The following DENND3 variants were observed in gnomAD, a reference collection of about 807,000 sequenced individuals.
The protein encoded by DENND3 is DENN domain-containing protein 3.
Under a neutral mutation model 135.1 loss-of-function variants are expected in DENND3, and 88 were observed. The observed-to-expected ratio is 0.65, with a 90% CI of 0.55 to 0.78. The LOEUF (loss-of-function observed/expected upper bound fraction) is 0.78, where lower values mean the gene tolerates loss of function less well. Ranked by LOEUF, DENND3 falls within the 30% of genes least tolerant of loss-of-function variation. The probability of loss-of-function intolerance (pLI) is 0.00; values close to 1 mark genes in which losing one functional copy is unlikely to be tolerated. For synonymous variants in DENND3, 693 were observed against 712.3 expected (o/e 0.97, Z 0.43); for missense variants, 1,392 against 1,688.4 (o/e 0.82, Z 3.08).
chr8:141,157,389 TCA>T (rs1819574059), intron 8 of DENND3: 3 of 985,264 alleles, frequency 3.0e-6, no homozygotes, highest in African/African-American at 1.7e-5. Context: ...ATTTTTCCCT[TCA>T]GCATTTTATA....
Position 141,174,321 on chromosome 8 carries a change from C to T in DENND3, c.2276-879C>T, listed in dbSNP as rs1822041358. ...CAAAGCAGGCTGTGAGTGCGGGTGGCTCTGAAGGCAGGAGCCACTGAGGAG... is the reference window on the plus strand; with the variant it reads ...CAAAGCAGGCTGTGAGTGCGGGTGGTTCTGAAGGCAGGAGCCACTGAGGAG... On this transcript the variant is annotated intron_variant, in intron 13 of 22. Transcript: ENST00000519811. This position sits in a 1 kb window ranked among gnomAD's most constrained non-coding sequence, Gnocchi z 4.6. Among the ~76,000 whole-genome samples the T allele has an allele frequency of 6.6e-6, 1 of 152,116 alleles. No homozygotes were observed. The highest frequency in any genetic ancestry group is 2.4e-5 in the African/African-American group (1 of 41,408).
chr8:141,151,939 G>A (rs985845821), intron 7 of DENND3, 102 bp downstream of exon 7: 28 of 1,410,680 alleles, frequency 2.0e-5, no homozygotes, highest in African/African-American at 8.4e-5. Flanking sequence ...TGAAGGCGGG[G>A]TCTGTGTGCC....
Position 141,194,457 on chromosome 8 carries a change from GGT to G in DENND3, c.*229_*230del, listed in dbSNP as rs758886770. 42 of 576,308 alleles carry G rather than the reference GGT, an allele frequency of 7.3e-5. No individual in the cohort carries two copies. Among genetic ancestry groups the G allele is most frequent in the Admixed American group, 9.1e-5 (3 of 33,066 alleles). 35.7% of individuals were successfully genotyped at this position (576,308 alleles called of 1,614,324 possible). On this transcript the variant is annotated 3_prime_UTR_variant, in exon 23 of 23. Coordinates refer to ENST00000519811, the MANE Select transcript of DENND3 (RefSeq NM_001352890.3). Reference sequence around the variant, plus strand: ...CTGCACCAAGGGTGTTTCCTGTTGGGGTGTGTCTCAGGCAGGCAGCTGCGTCT... The same window carrying G: ...CTGCACCAAGGGTGTTTCCTGTTGGGGTGTCTCAGGCAGGCAGCTGCGTCT...
At position 141,190,337 on chromosome 8, in the gene DENND3, C is replaced by T. The variant is rs765181269; in HGVS notation, c.3299C>T (p.Thr1100Ile). The T allele has an allele frequency of 3.8e-5, 62 of 1,613,304 alleles. No individual in the cohort carries two copies. In the South Asian group the frequency reaches 6.7e-4, roughly 17 times the overall value. ...ATGGTGCTGGTGTGGAATGTGAGCA[C>T]ACTGCAGGTGACCAGCCGCTTCCAG... The part of the protein sequence containing the change: ...DGMVLVWNVS[T>I]LQVTSRFQLP... Residue 1100 changes from threonine (T) to isoleucine (I), a missense_variant, in exon 20 of 23, where the codon ACA becomes ATA. By Grantham distance (89) the Thr-to-Ile change is moderately conservative (BLOSUM62 -1). Transcript: ENST00000519811.
intron 16 of DENND3, among the ~76,000 whole-genome samples, chr8:141,179,349 G>A (rs539815666): frequency 6.6e-6 from 1 of 152,334 alleles, no homozygotes; most frequent in East Asian, 1.9e-4. Context: ...TTCAGCTGTT[G>A]ATCTCATTCC....
In DENND3 at chr8:141,185,264, G is replaced by C. The variant is rs1488916800; in HGVS notation, c.3070G>C (p.Gly1024Arg). Residue 1024 changes from glycine to arginine, a missense_variant, in exon 18 of 23, where the codon GGC (glycine) becomes CGC (arginine). Physicochemically the swap from Gly to Arg is moderately radical, Grantham distance 125 (BLOSUM62 -2). Coordinates refer to ENST00000519811, the MANE Select transcript of DENND3 (RefSeq NM_001352890.3). ...CATCCACCAGCACTCCTTTAAAGTGGGCACTGCAAAAGTGGTGAGTACACG... is the reference window on the plus strand; with the variant it reads ...CATCCACCAGCACTCCTTTAAAGTGCGCACTGCAAAAGTGGTGAGTACACG... ...WTIHQHSFKV[G>R]TAKVNCMVMA... is the part of the protein sequence containing the mutation. 6.2e-7 allele frequency: 1 copy of C among 1,614,072 alleles called. No individual in the cohort carries two copies. The highest frequency in any genetic ancestry group is 8.5e-7 in the Non-Finnish European group (1 of 1,180,030).
chr8:141,174,877 G>C lies in DENND3; in HGVS notation c.2276-323G>C, dbSNP rs983156412. ...TTGCCCCCATTAGAAGAGTGTCCTTGTCCGGAAGGACTTTCCTACCCAAAG... is the reference window on the plus strand; with the variant it reads ...TTGCCCCCATTAGAAGAGTGTCCTTCTCCGGAAGGACTTTCCTACCCAAAG... On this transcript the variant is annotated intron_variant, in intron 13 of 22. Transcript: ENST00000519811. This position sits in a 1 kb window ranked among gnomAD's most constrained non-coding sequence, Gnocchi z 4.6. Among the ~76,000 whole-genome samples the C allele has an allele frequency of 6.6e-6, 1 of 152,088 alleles. No homozygotes were observed. Among genetic ancestry groups the C allele is most frequent in the Non-Finnish European group, 1.5e-5 (1 of 68,038 alleles).
chr8:141,136,157 A>G (rs1439551720), intron 1 of DENND3, among the ~76,000 whole-genome samples: 2 of 152,208 alleles, frequency 1.3e-5, no homozygotes, highest in African/African-American at 2.4e-5. Context: ...TTGGAGGGAC[A>G]AAGAAGCTTG....
chr8:141,184,488 AT>A (rs1233574989), intron 17 of DENND3: 1 of 152,250 alleles, frequency 6.6e-6, no homozygotes, highest in African/African-American at 2.4e-5. Context: ...GTAAAAAAAA[AT>A]AAAAATAAAA....
In DENND3 at chr8:141,188,119, G is replaced by A. The variant is rs373908380; in HGVS notation, c.3085-867G>A. The stretch of plus-strand genomic sequence containing the variant: ...CCCATGGCTGTAGTCCCGGCTACTC[G>A]GGGGTCTGAAGCGGGAGAATCGCTT... On this transcript the variant is annotated intron_variant, in intron 18 of 22. Transcript: ENST00000519811. Among the ~76,000 whole-genome samples, 99 of 150,350 alleles carry A rather than the reference G, an allele frequency of 6.6e-4. 1 individual carries two copies. In the East Asian group the frequency reaches 0.017, roughly 25 times the overall value.
chr8:141,149,340 T>A (rs1013578761), intron 5 of DENND3, among the ~76,000 whole-genome samples: 2 of 152,186 alleles, frequency 1.3e-5, no homozygotes, highest in African/African-American at 4.8e-5. Context: ...AAGCCCTGGG[T>A]CACAAAATCA....
chr8:141,160,176 ATTT>A (rs754210850), intron 8 of DENND3, among the ~76,000 whole-genome samples: 1 of 107,040 alleles, frequency 9.3e-6, no homozygotes. Flanking sequence ...CCAGCGATGT[ATTT>A]TTTTTTTTTT....
Position 141,166,212 on chromosome 8 carries a change from C to T in DENND3, c.1576C>T (p.Pro526Ser). Residue 526 changes from proline (P) to serine (S), a missense_variant, in exon 12 of 23, where the codon CCA (proline) becomes TCA (serine). Physicochemically the swap from Pro to Ser is moderately conservative, Grantham distance 74 (BLOSUM62 -1). Coordinates refer to ENST00000519811, the MANE Select transcript of DENND3 (RefSeq NM_001352890.3). This position sits in a 1 kb window ranked among gnomAD's most constrained non-coding sequence, Gnocchi z 4.3. ...CAGAATAAATGGAATGCTTCTAAGT[C>T]CAAGGAGACCGACCGTTGAGAAAAG... ...EDRINGMLLS[P>S]RRPTVEKRAS... The T allele has an allele frequency of 6.2e-7, 1 of 1,614,216 alleles. No homozygotes were observed. Among genetic ancestry groups the T allele is most frequent in the Non-Finnish European group, 8.5e-7 (1 of 1,180,044 alleles).
Position 141,189,117 on chromosome 8 carries a change from G to A in DENND3, c.3216G>A (p.Leu1072=). The A allele has an allele frequency of 6.2e-7, 1 of 1,614,234 alleles. No individual in the cohort carries two copies. The highest frequency in any genetic ancestry group is 1.1e-5 in the South Asian group (1 of 91,084). Residue 1072 remains leucine (L), a synonymous_variant, in exon 19 of 23, where the codon TTG becomes TTA. Transcript: ENST00000519811. ...LTAHCSSVTD[L]IVQDGQEAPS... Reference sequence around the variant, plus strand: ...CCCACTGCTCCAGTGTCACGGATTTGATTGTGCAGGACGGACAGGAGGCAC... The same window carrying A: ...CCCACTGCTCCAGTGTCACGGATTTAATTGTGCAGGACGGACAGGAGGCAC...
intron 19 of DENND3, 51 bp from the exon 20 acceptor site, chr8:141,190,233 T>C (rs761107306): frequency 2.7e-6 from 4 of 1,501,338 alleles, no homozygotes; most frequent in Non-Finnish European, 3.6e-6. Context: ...ATGTGCACAG[T>C]GTTTTCAGGG....
At position 141,138,153 on chromosome 8, in the gene DENND3, T is replaced by A; in HGVS notation, c.501+16T>A. The A allele has an allele frequency of 6.3e-7, 1 of 1,585,794 alleles. No homozygotes were observed. Among genetic ancestry groups the A allele is most frequent in the South Asian group, 1.1e-5 (1 of 87,410 alleles). ...GCCCCTGCATGTAGGTGGTTCCCGT[T>A]ACTCCCCTCTGAAATTGGGTTTAGA... On this transcript the variant is annotated intron_variant, in intron 3 of 22. Coordinates refer to ENST00000519811, the MANE Select transcript of DENND3 (RefSeq NM_001352890.3). This position sits in a 1 kb window ranked among gnomAD's most constrained non-coding sequence, Gnocchi z 4.8.
In DENND3 at chr8:141,195,591, T is replaced by A. The variant is rs1253519238; in HGVS notation, c.*1358T>A. The A allele has an allele frequency of 1.3e-5, 2 of 152,178 alleles. No homozygotes were observed. Among genetic ancestry groups the A allele is most frequent in the African/African-American group, 4.8e-5 (2 of 41,438 alleles). The allele number at this position is 152,178 out of a possible 1,614,324, so 9.4% of individuals were successfully genotyped here. On this transcript the variant is annotated 3_prime_UTR_variant, in exon 23 of 23. Transcript: ENST00000519811. Reference sequence around the variant, plus strand: ...TTCTGAGAGTGTGGGCAGAGAGAATTATGTGGCCTCATCCTCCCCCAAGGC... The same window carrying A: ...TTCTGAGAGTGTGGGCAGAGAGAATAATGTGGCCTCATCCTCCCCCAAGGC...
intron 15 of DENND3, 73 bp from the exon 16 acceptor site, chr8:141,177,994 G>C (rs967689915): frequency 1.3e-6 from 2 of 1,523,388 alleles, no homozygotes; most frequent in African/African-American, 2.7e-5. Context: ...TGTCCTGTGT[G>C]TTGCAACAAG....
rs921748699 is a variant in DENND3 at position 141,138,713 on chromosome 8, A to G, written c.501+576A>G. Among the ~76,000 whole-genome samples, 1 of 152,038 alleles carries G rather than the reference A, an allele frequency of 6.6e-6. No homozygotes were observed. The highest frequency in any genetic ancestry group is 2.4e-5 in the African/African-American group (1 of 41,406). ...TAATCCCCTTTCTGTCTCTGGATGT[A>G]TGTATTCTGGACACTTCGTGTAAGT... is the stretch of plus-strand genomic sequence containing the variant. On this transcript the variant is annotated intron_variant, in intron 3 of 22. Transcript: ENST00000519811. The surrounding 1 kb of genome is among the most constrained non-coding windows in gnomAD (Gnocchi z 4.8).
Sources: gnomAD v4.1 joint callset for allele counts (sites outside exome capture counted in the v4.1 genomes callset) on GRCh38, gnomAD v4.1.1 for gene constraint, Gnocchi (gnomAD v3.1) non-coding constraint, MANE v1.5 for transcripts, NCBI Gene and HGNC (gene_info 2026-07-23, HGNC 2026-07-21) for gene names.